ZACN: variants seen among roughly 807,000 people sequenced by gnomAD.
ZACN encodes the protein ligand-gated cation channel ZACN.
Under a neutral mutation model 38.9 loss-of-function variants are expected in ZACN, and 52 were observed. That is an observed-to-expected ratio of 1.34 (90% CI 1.07 to 1.68). The LOEUF is 1.68. Among genes scored for constraint, ZACN ranks in the 40% most tolerant of loss-of-function variants. The probability of loss-of-function intolerance (pLI) is 0.00; values close to 1 mark genes in which losing one functional copy is unlikely to be tolerated. For synonymous variants in ZACN, 235 were observed against 227.4 expected (o/e 1.03, Z -0.30); for missense variants, 559 against 525.6 (o/e 1.06, Z -0.62).
In ZACN at chr17:76,080,379, G is replaced by A. The variant is rs888369915; in HGVS notation, c.499G>A (p.Asp167Asn). The A allele has an allele frequency of 1.2e-6, 2 of 1,614,104 alleles. No individual in the cohort carries two copies. The highest frequency in any genetic ancestry group is 1.7e-6 in the Non-Finnish European group (2 of 1,180,024). The stretch of plus-strand genomic sequence containing the variant: ...CTTTGAGCTCCTCCACTTCCCCCGG[G>A]ACCACAGCAACTGCAGCCTCAGCTT... The part of the protein sequence containing the change: ...CNFELLHFPR[D>N]HSNCSLSFYA... The change falls in exon 5 of 9, where the codon GAC (aspartate) becomes AAC (asparagine). Residue 167 changes from aspartate to asparagine, a missense_variant. By Grantham distance (23) the Asp-to-Asn change is conservative (BLOSUM62 1). Transcript: ENST00000334586.
At chr17:76,080,563 C>A (rs759510614) in intron 5 of ZACN, 139 bp downstream of exon 5, 2 of 1,213,026 alleles carry the variant, frequency 1.6e-6, no homozygotes, top group Non-Finnish European at 2.3e-6. Context: ...ACTCCCAGGT[C>A]TGTGTTCAGA....
intron 5 of ZACN, chr17:76,081,006 C>T (rs1161327675): frequency 2.4e-6 from 1 of 425,096 alleles, no homozygotes; most frequent in East Asian, 5.5e-5. Flanking sequence ...GACCACTTCT[C>T]CCTCCATCAT....
In ZACN at chr17:76,081,417, G is replaced by C. The variant is rs1213401698; in HGVS notation, c.669+15G>C. On this transcript the variant is annotated intron_variant, in intron 6 of 8. Coordinates refer to ENST00000334586, the MANE Select transcript of ZACN (RefSeq NM_180990.4). ...TCCAGGTGACGGTGAGTCAAGTCGG[G>C]AGGAGGCCGACAGAGGGCTGCTGGA... 1.2e-6 allele frequency: 2 copies of C among 1,613,870 alleles called. No homozygotes were observed. The highest frequency in any genetic ancestry group is 1.1e-5 in the South Asian group (1 of 91,066).
At position 76,079,490 on chromosome 17, in the gene ZACN, T is replaced by A. The variant is rs1227119996; in HGVS notation, c.149T>A (p.Ile50Asn). The A allele has an allele frequency of 6.2e-7, 1 of 1,614,184 alleles. No individual in the cohort carries two copies. Among genetic ancestry groups the A allele is most frequent in the Admixed American group, 1.7e-5 (1 of 60,024 alleles). Residue 50 changes from isoleucine (I) to asparagine (N), a missense_variant, in exon 2 of 9, where the codon ATC becomes AAC. Transcript: ENST00000334586. ...TTGTCCAAGAAGGTTCAGGAAAGCA[T>A]CCAGATCCCGAACAATGGGAGTGCG... Reference protein sequence around the residue: ...VNLSKKVQESIQIPNNGSAPL... With the variant: ...VNLSKKVQESNQIPNNGSAPL...
Position 76,081,373 on chromosome 17 carries a change from C to A in ZACN, c.640C>A (p.Gln214Lys). The A allele has an allele frequency of 6.2e-7, 1 of 1,614,180 alleles. No homozygotes were observed. The highest frequency in any genetic ancestry group is 8.5e-7 in the Non-Finnish European group (1 of 1,180,048). ...VYDLKTQVPPQQLVPCFQVTL... is the reference protein window; with the variant it reads ...VYDLKTQVPPKQLVPCFQVTL... Reference sequence around the variant, plus strand: ...TGATCTGAAGACCCAAGTCCCACCCCAGCAGCTGGTGCCCTGCTTCCAGGT... The same window carrying A: ...TGATCTGAAGACCCAAGTCCCACCCAAGCAGCTGGTGCCCTGCTTCCAGGT... The change falls in exon 6 of 9, where the codon CAG (glutamine) becomes AAG (lysine). Residue 214 changes from glutamine to lysine, a missense_variant. By Grantham distance (53) the Gln-to-Lys change is moderately conservative. Transcript: ENST00000334586.
chr17:76,080,764 G>A (rs750069408), intron 5 of ZACN: 11 of 494,248 alleles, frequency 2.2e-5, no homozygotes, highest in African/African-American at 2.1e-4. Flanking sequence ...CAGAGCAACT[G>A]CCCTCCACAG....
chr17:76,080,326 T>C lies in ZACN; in HGVS notation c.446T>C (p.Leu149Pro), dbSNP rs1241588548. 6 of 1,613,778 alleles carry C rather than the reference T, an allele frequency of 3.7e-6. No individual in the cohort carries two copies. Among genetic ancestry groups the C allele is most frequent in the Admixed American group, 1.7e-5 (1 of 60,004 alleles). ...CAGGACGGCCACGTGAAGCTCAACC[T>C]GGCCCTCGCCACGGAGACCAACTGC... ...VDQDGHVKLN[L>P]ALATETNCNF... The change falls in exon 5 of 9, where the codon CTG becomes CCG. Residue 149 changes from leucine to proline, a missense_variant. Physicochemically the swap from Leu to Pro is moderately conservative, Grantham distance 98. Transcript: ENST00000334586.
At position 76,080,014 on chromosome 17, in the gene ZACN, C is replaced by T. The variant is rs764362832; in HGVS notation, c.374+20C>T. ...GGAGGCGTAAGTGAGACAGTTCCTG[C>T]CCCAGGAATCTGCCATGCATAGCCC... On this transcript the variant is annotated intron_variant, in intron 4 of 8. Transcript: ENST00000334586. The T allele has an allele frequency of 1.3e-6, 2 of 1,553,534 alleles. No homozygotes were observed. The highest frequency in any genetic ancestry group is 3.8e-5 in the Admixed American group (2 of 52,306).
chr17:76,082,760 G>A lies in ZACN; in HGVS notation c.*107G>A, dbSNP rs1474220867. On this transcript the variant is annotated 3_prime_UTR_variant, in exon 9 of 9. Coordinates refer to ENST00000334586, the MANE Select transcript of ZACN (RefSeq NM_180990.4). ...TTAAGCCACCCTGAGCTCTCCCTCC[G>A]CTAGCACACAAGCACAGAGCGTGAA... 39 of 1,097,814 alleles carry A rather than the reference G, an allele frequency of 3.6e-5. No individual in the cohort carries two copies. The highest frequency in any genetic ancestry group is 2.1e-4 in the South Asian group (12 of 57,658). 68.0% of individuals were successfully genotyped at this position (1,097,814 alleles called of 1,614,324 possible). A position where few individuals can be genotyped will look rare whatever the true frequency, so the allele number is the denominator to read the frequency against.
Position 76,080,511 on chromosome 17 carries a change from G to C in ZACN, c.544+87G>C, listed in dbSNP as rs994242895. On this transcript the variant is annotated intron_variant, in intron 5 of 8. Coordinates refer to ENST00000334586, the MANE Select transcript of ZACN (RefSeq NM_180990.4). ...TCCCAGGTCTGTGGTGCAGGGGCAG[G>C]GTGCGGGGCAAGGGGAAGGGGCAAA... The C allele has an allele frequency of 3.9e-6, 6 of 1,555,454 alleles. No homozygotes were observed. In the African/African-American group the frequency reaches 8.1e-5, roughly 21 times the overall value.
chr17:76,082,632 T>C lies in ZACN; in HGVS notation c.1218T>C (p.His406=), dbSNP rs1267152345. The part of the protein sequence containing the change: ...SDAAPGEAAP[H]GRRPRL Reference sequence around the variant, plus strand: ...CAGCCCCTGGAGAGGCTGCACCCCATGGCAGGCGGCCTAGACTGTAAAGGG... The same window carrying C: ...CAGCCCCTGGAGAGGCTGCACCCCACGGCAGGCGGCCTAGACTGTAAAGGG... Residue 406 remains histidine (H), a synonymous_variant, in exon 9 of 9, where the codon CAT becomes CAC. Coordinates refer to ENST00000334586, the MANE Select transcript of ZACN (RefSeq NM_180990.4). 6.2e-7 allele frequency: 1 copy of C among 1,612,440 alleles called. No individual in the cohort carries two copies. The highest frequency in any genetic ancestry group is 1.3e-5 in the African/African-American group (1 of 74,890).
intron 6 of ZACN, 56 bp downstream of exon 6, chr17:76,081,458 G>T: frequency 6.2e-7 from 1 of 1,611,678 alleles, no homozygotes; most frequent in Non-Finnish European, 8.5e-7. Flanking sequence ...GTGGGAGTGA[G>T]GATGCACGGC....
At chr17:76,082,230 G>A in intron 8 of ZACN, 181 bp downstream of exon 8, 4 of 844,702 alleles carry the variant, frequency 4.7e-6, no homozygotes, top group Non-Finnish European at 7.1e-6. Context: ...GGAGCAAGCT[G>A]AGCCTCCCTG....
Position 76,079,198 on chromosome 17 carries a change from G to T in ZACN, c.-67G>T. Reference sequence around the variant, plus strand: ...CCTCTGGCTAATTGCTCAGCTGCCAGAGAAGTGACTGGAATAGAGGTTGTA... The same window carrying T: ...CCTCTGGCTAATTGCTCAGCTGCCATAGAAGTGACTGGAATAGAGGTTGTA... On this transcript the variant is annotated 5_prime_UTR_variant, in exon 1 of 9. Transcript: ENST00000334586. 6.8e-7 allele frequency: 1 copy of T among 1,467,338 alleles called. No homozygotes were observed. The highest frequency in any genetic ancestry group is 1.4e-5 in the African/African-American group (1 of 71,214). The allele number at this position is 1,467,338 out of a possible 1,614,324, so 90.9% of individuals were successfully genotyped here. A position where few individuals can be genotyped will look rare whatever the true frequency, so the allele number is the denominator to read the frequency against.
rs143905528 is a variant in ZACN at position 76,079,264 on chromosome 17, G to A, written c.-1G>A. On this transcript the variant is annotated 5_prime_UTR_variant, in exon 1 of 9. Transcript: ENST00000334586. The stretch of plus-strand genomic sequence containing the variant: ...CTCCCTCCAGTCCCTCCGTGCAGCC[G>A]ATGATGGCCCTATGGTCCCTGCTCC... 1.1e-4 allele frequency: 181 copies of A among 1,610,800 alleles called. No individual in the cohort carries two copies. Among genetic ancestry groups the A allele is most frequent in the Non-Finnish European group, 1.5e-4 (171 of 1,177,702 alleles).
intron 4 of ZACN, 57 bp downstream of exon 4, chr17:76,080,051 C>A: frequency 6.9e-7 from 1 of 1,439,414 alleles, no homozygotes. Context: ...CCTTTTCCCC[C>A]ATCTACAACC....
intron 3 of ZACN, 42 bp downstream of exon 3, chr17:76,079,788 C>A: frequency 6.2e-7 from 1 of 1,608,310 alleles, no homozygotes. Context: ...GAAAGCCCAG[C>A]TGAGTCCAGC....
chr17:76,081,703 C>T lies in ZACN; in HGVS notation c.828C>T (p.His276=). 1 of 1,614,146 alleles carries T rather than the reference C, an allele frequency of 6.2e-7. No individual in the cohort carries two copies. The highest frequency in any genetic ancestry group is 2.2e-5 in the East Asian group (1 of 44,890). ...VTLLLSYLVL[H]SSLVQALPSS... Reference sequence around the variant, plus strand: ...TGCTGCTGAGTTACCTCGTCCTCCACTCCTCCCTGGTGCAGGCCCTGCCCA... The same window carrying T: ...TGCTGCTGAGTTACCTCGTCCTCCATTCCTCCCTGGTGCAGGCCCTGCCCA... Residue 276 remains histidine (H), a synonymous_variant, in exon 7 of 9, where the codon CAC becomes CAT. Coordinates refer to ENST00000334586, the MANE Select transcript of ZACN (RefSeq NM_180990.4).
Position 76,080,408 on chromosome 17 carries a change from C to CGTGTT in ZACN, c.529_530insTGTTG (p.Ala177ValfsTer11), listed in dbSNP as rs1567944676. The CGTGTT allele has an allele frequency of 6.2e-6, 10 of 1,613,924 alleles. No homozygotes were observed. The highest frequency in any genetic ancestry group is 8.5e-6 in the Non-Finnish European group (10 of 1,180,014). On this transcript the variant is annotated frameshift_variant, in exon 5 of 9. Transcript: ENST00000334586. LOFTEE classifies it high-confidence loss of function. ...ACAGCAACTGCAGCCTCAGCTTCTA[C>CGTGTT]GCTCTCAGCAACACGGGTGCTGACA...
Sources: allele counts gnomAD v4.1 joint callset, GRCh38; gene constraint gnomAD v4.1.1; transcripts MANE v1.5; gene names NCBI Gene and HGNC (gene_info 2026-07-23, HGNC 2026-07-21).